Variants in DLG2 observed in about 807,000 individuals in gnomAD.
DLG2 encodes disks large homolog 2.
Under a neutral mutation model 132.5 loss-of-function variants are expected in DLG2, and 45 were observed. The observed-to-expected ratio is 0.34, with a 90% CI of 0.27 to 0.44. The LOEUF (loss-of-function observed/expected upper bound fraction) is 0.44. Ranked by LOEUF, DLG2 falls within the 20% of genes least tolerant of loss-of-function variation. The pLI is 1.00. For synonymous variants in DLG2, 424 were observed against 419.6 expected (o/e 1.01, Z -0.13); for missense variants, 1,045 against 1,196.9 (o/e 0.87, Z 1.87).
intron 3 of DLG2, among the ~76,000 whole-genome samples, chr11:85,523,153 A>T (rs1177715124): frequency 6.6e-6 from 1 of 152,148 alleles, no homozygotes; most frequent in Non-Finnish European, 1.5e-5. Flanking sequence ...TTCTCATGAC[A>T]ATGAATGAGT....
At chr11:85,483,423 A>G (rs751470412) in intron 3 of DLG2, among the ~76,000 whole-genome samples, 16 of 152,222 alleles carry the variant, frequency 1.1e-4, no homozygotes, top group Non-Finnish European at 2.4e-4. Flanking sequence ...TCACAGACAA[A>G]CAAAAGCTAA....
chr11:85,535,787 A>G (rs2153197288), intron 3 of DLG2, among the ~76,000 whole-genome samples: 1 of 152,388 alleles, frequency 6.6e-6, no homozygotes, highest in Admixed American at 6.5e-5. Flanking sequence ...TATTCATACA[A>G]AAGAATAATA....
At chr11:85,377,857 G>A (rs892493506) in intron 3 of DLG2, among the ~76,000 whole-genome samples, 3 of 149,052 alleles carry the variant, frequency 2.0e-5, no homozygotes, top group Non-Finnish European at 4.5e-5. Context: ...ATATATGTGT[G>A]TGTATACATA....
chr11:84,309,438 A>T (rs1005786854), intron 7 of DLG2, among the ~76,000 whole-genome samples: 4 of 152,220 alleles, frequency 2.6e-5, no homozygotes, highest in African/African-American at 9.6e-5. Flanking sequence ...TAAAAGGAAA[A>T]CTTAATTCCG....
chr11:85,325,307 C>T lies in DLG2; in HGVS notation c.41-39942G>A, dbSNP rs569979659. On this transcript the variant is annotated intron_variant, in intron 3 of 27. Transcript: ENST00000376104. ...GGCCTGTCTGCCTCTGTAGGCTCCA[C>T]GTCTGGGGGCAGGGCACAGACAAAC... 1.4e-4 allele frequency among the ~76,000 whole-genome samples: 21 copies of T among 152,338 alleles called. No homozygotes were observed. In the East Asian group the frequency reaches 2.5e-3, roughly 18 times the overall value.
intron 3 of DLG2, among the ~76,000 whole-genome samples, chr11:85,560,193 C>T (rs1041761438): frequency 2.6e-5 from 4 of 151,668 alleles, no homozygotes; most frequent in African/African-American, 9.7e-5. Context: ...AAAAGTTAAA[C>T]ATAAACTTAC....
intron 3 of DLG2, among the ~76,000 whole-genome samples, chr11:85,333,904 G>C (rs2081951024): frequency 6.6e-6 from 1 of 150,560 alleles, no homozygotes; most frequent in South Asian, 2.1e-4. Context: ...TTTTTTCACT[G>C]TGTCTCTGAC....
chr11:85,550,860 G>A (rs1376023010), intron 3 of DLG2, among the ~76,000 whole-genome samples: 7 of 152,132 alleles, frequency 4.6e-5, no homozygotes, highest in Admixed American at 4.6e-4. Context: ...ATGGCCTCTG[G>A]CATGATGAAC....
chr11:83,675,432 C>G (rs1222829044), intron 18 of DLG2, among the ~76,000 whole-genome samples: 1 of 152,158 alleles, frequency 6.6e-6, no homozygotes, highest in Non-Finnish European at 1.5e-5. Flanking sequence ...TCCAAATACA[C>G]TTGAGTTACT....
intron 3 of DLG2, among the ~76,000 whole-genome samples, chr11:85,488,944 GA>G (rs1453034765): frequency 6.6e-6 from 1 of 151,822 alleles, no homozygotes; most frequent in Non-Finnish European, 1.5e-5. Context: ...ACACACCAAA[GA>G]GGAAGAAAAA....
chr11:84,687,649 G>T (rs1426678829), intron 6 of DLG2, among the ~76,000 whole-genome samples: 1 of 152,018 alleles, frequency 6.6e-6, no homozygotes, highest in Non-Finnish European at 1.5e-5. Flanking sequence ...AAATGTACAA[G>T]GTCACCCTGC....
chr11:83,483,347 G>A (rs779483752), intron 22 of DLG2: 14 of 1,413,842 alleles, frequency 9.9e-6, no homozygotes, highest in East Asian at 4.6e-5. Context: ...GAACAGCCAC[G>A]GAAGAGGAAG....
At chr11:84,978,765 A>T (rs1351721811) in intron 6 of DLG2, among the ~76,000 whole-genome samples, 1 of 152,238 alleles carries the variant, frequency 6.6e-6, no homozygotes, top group African/African-American at 2.4e-5. Context: ...CAAGGACGTC[A>T]TGTCTAAAAC....
At chr11:85,465,718 G>T (rs1196684347) in intron 3 of DLG2, among the ~76,000 whole-genome samples, 1 of 152,100 alleles carries the variant, frequency 6.6e-6, no homozygotes, top group Non-Finnish European at 1.5e-5. Context: ...ATGGACATTT[G>T]GGTTGGTTCC....
intron 10 of DLG2, among the ~76,000 whole-genome samples, chr11:84,083,242 T>C (rs895473745): frequency 6.6e-6 from 1 of 152,120 alleles, no homozygotes; most frequent in African/African-American, 2.4e-5. Flanking sequence ...ATCATGCCAC[T>C]GCACTCCAGC....
intron 5 of DLG2, among the ~76,000 whole-genome samples, chr11:85,149,140 T>C (rs2077056208): frequency 6.6e-6 from 1 of 152,226 alleles, no homozygotes; most frequent in Non-Finnish European, 1.5e-5. Flanking sequence ...CATGCTGTTT[T>C]GGCTACTGTA....
chr11:84,388,046 A>G (rs1309403351), intron 7 of DLG2, among the ~76,000 whole-genome samples: 1 of 152,146 alleles, frequency 6.6e-6, no homozygotes, highest in Non-Finnish European at 1.5e-5. Flanking sequence ...CTTTTCTATC[A>G]GTTTTCTATC....
intron 6 of DLG2, among the ~76,000 whole-genome samples, chr11:85,081,485 CAA>C (rs2067218827): frequency 6.6e-6 from 1 of 152,154 alleles, no homozygotes; most frequent in African/African-American, 2.4e-5. Context: ...TCTTGCTTCT[CAA>C]GGTGGGTCCT....
chr11:83,608,437 A>G (rs1489270892), intron 19 of DLG2, among the ~76,000 whole-genome samples: 1 of 151,760 alleles, frequency 6.6e-6, no homozygotes, highest in Admixed American at 6.6e-5. Context: ...TTCCCTTTTC[A>G]TGTTAGCACC....
Sources: gnomAD v4.1 joint callset for allele counts (sites outside exome capture counted in the v4.1 genomes callset) on GRCh38, gnomAD v4.1.1 for gene constraint, MANE v1.5 for transcripts, NCBI Gene and HGNC (gene_info 2026-07-23, HGNC 2026-07-21) for gene names.